The following ANKS1B variants were observed in gnomAD, a reference collection of about 807,000 sequenced individuals.
The protein encoded by ANKS1B is ankyrin repeat and sterile alpha motif domain containing 1B.
ANKS1B carries 36 observed loss-of-function variants against 148.3 expected under a neutral mutation model. The observed-to-expected ratio is 0.24, with a 90% CI of 0.19 to 0.32. The LOEUF (loss-of-function observed/expected upper bound fraction) is 0.32. ANKS1B is among the 10% of genes least tolerant of loss of function. The pLI, the probability that ANKS1B is intolerant of heterozygous loss-of-function variation, is 1.00. For synonymous variants in ANKS1B, 542 were observed against 560.8 expected (o/e 0.97, Z 0.47); for missense variants, 1,157 against 1,542.6 (o/e 0.75, Z 4.19).
intron 4 of ANKS1B, among the ~76,000 whole-genome samples, chr12:99,791,492 A>G (rs1447476998): frequency 6.6e-6 from 1 of 152,044 alleles, no homozygotes; most frequent in Admixed American, 6.6e-5. Context: ...TCTCAAGGAC[A>G]GACCACATGT....
intron 17 of ANKS1B, among the ~76,000 whole-genome samples, chr12:98,947,990 A>G (rs958019809): frequency 6.6e-6 from 1 of 152,162 alleles, no homozygotes; most frequent in African/African-American, 2.4e-5. Context: ...TACAGCCTCT[A>G]TCTTTAGAAA....
At chr12:99,541,244 C>A (rs1172449673) in intron 9 of ANKS1B, among the ~76,000 whole-genome samples, 2 of 151,554 alleles carry the variant, frequency 1.3e-5, no homozygotes, top group Admixed American at 1.3e-4. Context: ...AACAAACAAA[C>A]AAAAAACACA....
At chr12:99,256,208 T>C (rs1009779871) in intron 12 of ANKS1B, among the ~76,000 whole-genome samples, 6 of 148,310 alleles carry the variant, frequency 4.0e-5, no homozygotes, top group Admixed American at 1.4e-4. Flanking sequence ...CGAGTTCGTG[T>C]CACTGCACTC....
intron 17 of ANKS1B, among the ~76,000 whole-genome samples, chr12:98,924,616 G>GT (rs1446295463): frequency 6.6e-6 from 1 of 152,114 alleles, no homozygotes; most frequent in African/African-American, 2.4e-5. Context: ...TACTAGGGAC[G>GT]TAAGTGTGGA....
intron 11 of ANKS1B, among the ~76,000 whole-genome samples, chr12:99,441,422 G>A (rs2095548141): frequency 6.6e-6 from 1 of 151,790 alleles, no homozygotes; most frequent in Non-Finnish European, 1.5e-5. Flanking sequence ...GTATTTCCAT[G>A]TGAATATACT....
At chr12:98,852,022 C>CAAAAAA (rs35129903) in intron 17 of ANKS1B, among the ~76,000 whole-genome samples, 6 of 61,116 alleles carry the variant, frequency 9.8e-5, no homozygotes, top group South Asian at 1.0e-3. Context: ...GACTCCATCT[C>CAAAAAA]AAAAAAAAAA....
At chr12:99,324,805 A>G (rs948224591) in intron 12 of ANKS1B, among the ~76,000 whole-genome samples, 12 of 151,956 alleles carry the variant, frequency 7.9e-5, no homozygotes, top group Non-Finnish European at 2.9e-5. Context: ...TTTTTTTCTA[A>G]AAAGAAATAT....
intron 4 of ANKS1B, among the ~76,000 whole-genome samples, chr12:99,799,390 AGAGAC>A (rs2066658378): frequency 6.6e-6 from 1 of 152,222 alleles, no homozygotes; most frequent in East Asian, 1.9e-4. Context: ...ACATCCAAAG[AGAGAC>A]CTCTCTGACC....
chr12:99,418,211 A>C (rs2094965706), intron 11 of ANKS1B, among the ~76,000 whole-genome samples: 1 of 152,230 alleles, frequency 6.6e-6, no homozygotes, highest in Non-Finnish European at 1.5e-5. Flanking sequence ...TATGCAAAGC[A>C]ATTTTATCTC....
intron 10 of ANKS1B, among the ~76,000 whole-genome samples, chr12:99,493,491 C>G (rs1318363736): frequency 6.7e-6 from 1 of 148,888 alleles, no homozygotes; most frequent in Non-Finnish European, 1.5e-5. Context: ...TAGTCCAGGA[C>G]AGTTATTGGT....
At chr12:99,612,077 G>T (rs547637643) in intron 9 of ANKS1B, among the ~76,000 whole-genome samples, 1 of 152,078 alleles carries the variant, frequency 6.6e-6, no homozygotes, top group Non-Finnish European at 1.5e-5. Context: ...AAAAATAGCA[G>T]CAGTATTTAG....
At chr12:98,971,512 A>G (rs1219171280) in intron 17 of ANKS1B, among the ~76,000 whole-genome samples, 1 of 152,348 alleles carries the variant, frequency 6.6e-6, no homozygotes, top group East Asian at 1.9e-4. Flanking sequence ...TGAAGACGGC[A>G]TAATCTGTTA....
intron 10 of ANKS1B, among the ~76,000 whole-genome samples, chr12:99,456,714 A>G (rs2095853378): frequency 6.6e-6 from 1 of 152,122 alleles, no homozygotes; most frequent in Admixed American, 6.5e-5. Flanking sequence ...CCAATCTGAT[A>G]AAGACAAAGA....
intron 17 of ANKS1B, among the ~76,000 whole-genome samples, chr12:98,889,532 C>T (rs570449885): frequency 6.6e-6 from 1 of 152,174 alleles, no homozygotes; most frequent in East Asian, 1.9e-4. Flanking sequence ...ATTTTTTGTA[C>T]AGACTGGTTT....
chr12:99,741,275 T>C (rs2060085827), intron 8 of ANKS1B, among the ~76,000 whole-genome samples: 1 of 150,450 alleles, frequency 6.6e-6, no homozygotes, highest in South Asian at 2.1e-4. Context: ...GGAGAGGATA[T>C]GGAGAAATAG....
At chr12:99,607,629 T>C (rs1049120012) in intron 9 of ANKS1B, among the ~76,000 whole-genome samples, 4 of 152,120 alleles carry the variant, frequency 2.6e-5, no homozygotes, top group African/African-American at 9.7e-5. Flanking sequence ...CTAGCTGGAT[T>C]TGGCGGGACA....
rs11109634 is a variant in ANKS1B, at chr12:98,865,509, C to T, written c.2779-33373G>A. Among the ~76,000 whole-genome samples, 330 of 152,248 alleles carry T rather than the reference C, an allele frequency of 2.2e-3. 1 individual carries two copies. Among genetic ancestry groups the T allele is most frequent in the African/African-American group, 7.5e-3 (311 of 41,538 alleles). On this transcript the variant is annotated intron_variant, in intron 17 of 26. Coordinates refer to ENST00000683438, the MANE Select transcript of ANKS1B (RefSeq NM_001352186.2). ...CAAAGTAAAACAAAAACACTCCTGC[C>T]CTCATGGAGCTTATATTCTAGCAGG...
chr12:99,421,870 G>A (rs572897917), intron 11 of ANKS1B, among the ~76,000 whole-genome samples: 13 of 152,212 alleles, frequency 8.5e-5, no homozygotes, highest in East Asian at 5.8e-4. Flanking sequence ...TGCTGTCCTC[G>A]TGGCAATGTT....
intron 9 of ANKS1B, among the ~76,000 whole-genome samples, chr12:99,544,801 A>G (rs2097157918): frequency 6.6e-6 from 1 of 152,168 alleles, no homozygotes; most frequent in South Asian, 2.1e-4. Flanking sequence ...ACCTGGTCCC[A>G]TGCTGATAAC....
Sources: gnomAD v4.1 joint callset for allele counts (sites outside exome capture counted in the v4.1 genomes callset) on GRCh38, gnomAD v4.1.1 for gene constraint, MANE v1.5 for transcripts, NCBI Gene and HGNC (gene_info 2026-07-23, HGNC 2026-07-21) for gene names.